LYN: variants seen among roughly 807,000 people sequenced by gnomAD.
LYN encodes the protein tyrosine-protein kinase Lyn.
Under a neutral mutation model 65.0 loss-of-function variants are expected in LYN, and 12 were observed. The observed-to-expected ratio is 0.18, with a 90% CI of 0.12 to 0.30. The LOEUF is 0.30. Ranked by LOEUF, LYN falls within the 10% of genes least tolerant of loss-of-function variation. LYN has a pLI of 1.00. For missense variants in LYN, 380 were observed against 623.2 expected (o/e 0.61, Z 4.16); for synonymous variants, 222 against 221.2 (o/e 1.00, Z -0.03).
At chr8:55,927,239 CAT>C (rs1056481938) in intron 1 of LYN, among the ~76,000 whole-genome samples, 9 of 152,278 alleles carry the variant, frequency 5.9e-5, no homozygotes, top group East Asian at 3.9e-4. Context: ...CCATTCTTCA[CAT>C]GTTTATTCCT....
At chr8:55,947,450 G>T (rs1563523660) in intron 3 of LYN, among the ~76,000 whole-genome samples, 168 bp from the exon 4 acceptor site, 1 of 152,170 alleles carries the variant, frequency 6.6e-6, no homozygotes. Context: ...ATACAGCAAG[G>T]TACTCTCTGT....
chr8:55,977,396 G>A (rs537447973), intron 10 of LYN, among the ~76,000 whole-genome samples: 1 of 152,276 alleles, frequency 6.6e-6, no homozygotes, highest in South Asian at 2.1e-4. Context: ...TGTATTTACT[G>A]TAATATGTAT....
intron 8 of LYN, among the ~76,000 whole-genome samples, chr8:55,964,004 G>C: frequency 6.6e-6 from 1 of 152,094 alleles, no homozygotes; most frequent in Non-Finnish European, 1.5e-5. Context: ...TTTTGTTGGT[G>C]GAATGTACTT....
At chr8:55,928,935 T>G (rs1362108861) in intron 1 of LYN, among the ~76,000 whole-genome samples, 1 of 152,184 alleles carries the variant, frequency 6.6e-6, no homozygotes, top group Non-Finnish European at 1.5e-5. Flanking sequence ...TGATTCATTT[T>G]GGGTTGATTT....
chr8:55,962,619 A>G (rs989989113), intron 8 of LYN, among the ~76,000 whole-genome samples: 1 of 152,096 alleles, frequency 6.6e-6, no homozygotes, highest in African/African-American at 2.4e-5. Flanking sequence ...GGGTGTGGCT[A>G]TGGTTTATTC....
chr8:55,933,099 C>T (rs1488962148), intron 1 of LYN, among the ~76,000 whole-genome samples: 1 of 152,154 alleles, frequency 6.6e-6, no homozygotes, highest in African/African-American at 2.4e-5. Context: ...CACATGTATT[C>T]CTGAACCTAA....
intron 6 of LYN, 145 bp from the exon 7 acceptor site, chr8:55,951,821 G>A: frequency 1.7e-6 from 1 of 584,416 alleles, no homozygotes. Context: ...ATTTTTATAG[G>A]ACTTTTAAAA....
At chr8:55,919,068 C>T (rs1471634973) in intron 1 of LYN, among the ~76,000 whole-genome samples, 5 of 150,802 alleles carry the variant, frequency 3.3e-5, no homozygotes, top group African/African-American at 1.2e-4. Context: ...CAGACATTCC[C>T]GACAGGCAGG....
At chr8:55,970,539 C>G (rs543445749) in intron 10 of LYN, among the ~76,000 whole-genome samples, 6 of 152,196 alleles carry the variant, frequency 3.9e-5, no homozygotes, top group Non-Finnish European at 5.9e-5. Context: ...TTTCATGAAG[C>G]CCAGTGTATG....
intron 4 of LYN, among the ~76,000 whole-genome samples, chr8:55,948,663 G>A (rs66476461): frequency 6.6e-6 from 1 of 152,056 alleles, no homozygotes; most frequent in Non-Finnish European, 1.5e-5. Context: ...AGGGTTTGAG[G>A]GGGAGACTCC....
At chr8:55,889,174 C>T (rs1157471487) in intron 1 of LYN, among the ~76,000 whole-genome samples, 1 of 152,106 alleles carries the variant, frequency 6.6e-6, no homozygotes, top group Non-Finnish European at 1.5e-5. Flanking sequence ...GCCACCAGGC[C>T]TGCGTAATTT....
chr8:55,965,415 T>G (rs1807423401), intron 8 of LYN, among the ~76,000 whole-genome samples: 1 of 152,166 alleles, frequency 6.6e-6, no homozygotes, highest in African/African-American at 2.4e-5. Context: ...TGGGGGATCC[T>G]TTTTCACTAA....
At chr8:55,968,686 T>C (rs1807526955) in intron 9 of LYN, among the ~76,000 whole-genome samples, 1 of 152,228 alleles carries the variant, frequency 6.6e-6, no homozygotes, top group Non-Finnish European at 1.5e-5. Context: ...ATAGATGAGA[T>C]AGCATAACGT....
At chr8:55,923,684 C>T (rs1038902511) in intron 1 of LYN, among the ~76,000 whole-genome samples, 7 of 152,018 alleles carry the variant, frequency 4.6e-5, no homozygotes, top group Admixed American at 2.0e-4. Context: ...GGATTACAGG[C>T]GCCTGCTGCC....
intron 1 of LYN, among the ~76,000 whole-genome samples, chr8:55,933,660 T>A (rs1299990872): frequency 6.6e-6 from 1 of 152,250 alleles, no homozygotes; most frequent in Admixed American, 6.5e-5. Flanking sequence ...CTGTCAAGGC[T>A]GGACTCCACA....
At chr8:55,988,069 C>A (rs1808131468) in intron 10 of LYN, among the ~76,000 whole-genome samples, 1 of 151,934 alleles carries the variant, frequency 6.6e-6, no homozygotes, top group South Asian at 2.1e-4. Flanking sequence ...AATTTTGATC[C>A]CAAAAAAGTA....
intron 10 of LYN, among the ~76,000 whole-genome samples, chr8:55,987,387 A>G (rs951442603): frequency 6.6e-6 from 1 of 150,836 alleles, no homozygotes; most frequent in African/African-American, 2.4e-5. Context: ...AGCTTGGGCT[A>G]CAGAGTGAGA....
chr8:55,968,598 C>G (rs548849929), intron 9 of LYN, among the ~76,000 whole-genome samples: 2 of 152,234 alleles, frequency 1.3e-5, no homozygotes. Context: ...ATATGCCAGA[C>G]TGCTCTTGGT....
chr8:55,961,848 C>T (rs1807285958), intron 8 of LYN, among the ~76,000 whole-genome samples: 2 of 152,018 alleles, frequency 1.3e-5, no homozygotes, highest in Non-Finnish European at 2.9e-5. Flanking sequence ...ACTTGCTAGC[C>T]CCAGAAGCCC....
Sources: allele counts gnomAD v4.1 joint callset (sites outside exome capture counted in the v4.1 genomes callset), GRCh38; gene constraint gnomAD v4.1.1; transcripts MANE v1.5; gene names NCBI Gene and HGNC (gene_info 2026-07-23, HGNC 2026-07-21).